SMYD3: variants seen among roughly 807,000 people sequenced by gnomAD.
The protein encoded by SMYD3 is SET and MYND domain containing 3.
Under a neutral mutation model 57.7 loss-of-function variants are expected in SMYD3, and 36 were observed. That is an observed-to-expected ratio of 0.62 (90% CI 0.48 to 0.82). SMYD3 has a LOEUF of 0.82. SMYD3 is among the 40% of genes least tolerant of loss of function. The probability of loss-of-function intolerance (pLI) is 0.00; values close to 1 mark genes in which losing one functional copy is unlikely to be tolerated. For missense variants in SMYD3, 515 were observed against 538.8 expected, an observed-to-expected ratio of 0.96 and a Z score of 0.44; for synonymous variants, 211 against 195.0, an observed-to-expected ratio of 1.08 and a Z score of -0.68.
intron 5 of SMYD3, among the ~76,000 whole-genome samples, chr1:245,957,636 A>T (rs899319745): frequency 2.6e-5 from 4 of 152,150 alleles, no homozygotes; most frequent in Non-Finnish European, 4.4e-5. Context: ...TCTATACTTG[A>T]GTAGGCACAA....
chr1:246,306,935 C>G (rs1033994726), intron 5 of SMYD3, among the ~76,000 whole-genome samples: 2 of 151,222 alleles, frequency 1.3e-5, no homozygotes, highest in Admixed American at 6.6e-5. Flanking sequence ...GACATCAAGT[C>G]AGATGGAAGT....
At chr1:246,100,755 G>A (rs2060994898) in intron 5 of SMYD3, among the ~76,000 whole-genome samples, 1 of 152,086 alleles carries the variant, frequency 6.6e-6, no homozygotes, top group Non-Finnish European at 1.5e-5. Flanking sequence ...ACTCTCCAGA[G>A]GACGATCCAC....
intron 10 of SMYD3, among the ~76,000 whole-genome samples, chr1:245,793,728 A>T (rs1482157104): frequency 6.6e-6 from 1 of 151,970 alleles, no homozygotes; most frequent in Non-Finnish European, 1.5e-5. Flanking sequence ...TATTTTCTGC[A>T]GGGACCAACC....
chr1:246,403,344 TTTAA>T (rs2066804646), intron 1 of SMYD3, among the ~76,000 whole-genome samples: 2 of 151,586 alleles, frequency 1.3e-5, no homozygotes, highest in African/African-American at 2.4e-5. Context: ...AAAAAAAAAA[TTTAA>T]TTAGCCAGAA....
chr1:246,492,486 G>A (rs1474657224), intron 1 of SMYD3, among the ~76,000 whole-genome samples: 4 of 152,258 alleles, frequency 2.6e-5, no homozygotes, highest in South Asian at 2.1e-4. Flanking sequence ...AAAGGTAAGC[G>A]AGAAACAAAA....
intron 6 of SMYD3, among the ~76,000 whole-genome samples, chr1:245,928,398 G>A (rs1440439384): frequency 6.6e-6 from 1 of 152,190 alleles, no homozygotes; most frequent in Non-Finnish European, 1.5e-5. Context: ...ACAGCTGGGT[G>A]TGGTGGCTCA....
intron 5 of SMYD3, among the ~76,000 whole-genome samples, chr1:246,318,035 A>G (rs1215812421): frequency 6.6e-6 from 1 of 152,142 alleles, no homozygotes; most frequent in Non-Finnish European, 1.5e-5. Context: ...TCATGATATT[A>G]GTGTTTCTTT....
At chr1:245,779,176 A>AG (rs55875943) in intron 10 of SMYD3, among the ~76,000 whole-genome samples, 51,248 of 143,346 alleles carry the variant, frequency 0.36, 12,260 homozygotes, top group East Asian at 0.78. Context: ...AAAAAAAAAA[A>AG]AAAAAGAAAA....
intron 10 of SMYD3, among the ~76,000 whole-genome samples, chr1:245,809,520 C>G (rs2048347428): frequency 6.6e-6 from 1 of 152,202 alleles, no homozygotes; most frequent in African/African-American, 2.4e-5. Context: ...TCCCTGAGAA[C>G]CCTGCTGTTG....
intron 1 of SMYD3, among the ~76,000 whole-genome samples, chr1:246,446,937 G>C (rs1480203938): frequency 6.6e-6 from 1 of 151,658 alleles, no homozygotes; most frequent in Non-Finnish European, 1.5e-5. Flanking sequence ...GCTGAGGCAG[G>C]AGAATCGCTT....
chr1:246,088,486 T>C (rs1350296068), intron 5 of SMYD3, among the ~76,000 whole-genome samples: 1 of 130,252 alleles, frequency 7.7e-6, no homozygotes. Flanking sequence ...GACAGGCGCC[T>C]GTAGTCCCAG....
Position 246,236,256 on chromosome 1 carries a change from G to C in SMYD3, c.531+90945C>G, listed in dbSNP as rs541498352. ...AATGAATGAATGAAATGAATGACAGGGTCTCACAATGTTGCCGAGGCTGGC... is the reference window on the plus strand; with the variant it reads ...AATGAATGAATGAAATGAATGACAGCGTCTCACAATGTTGCCGAGGCTGGC... On this transcript the variant is annotated intron_variant, in intron 5 of 11. Transcript: ENST00000490107. 2.1e-4 allele frequency among the ~76,000 whole-genome samples: 32 copies of C among 151,972 alleles called. No homozygotes were observed. In the South Asian group the frequency reaches 5.8e-3, roughly 28 times the overall value.
chr1:246,451,068 C>T (rs994219215), intron 1 of SMYD3, among the ~76,000 whole-genome samples: 3 of 152,184 alleles, frequency 2.0e-5, no homozygotes, highest in Admixed American at 6.5e-5. Context: ...AGGTGCCTGC[C>T]GGTCCTGGAA....
chr1:246,062,350 C>A (rs1335855331), intron 5 of SMYD3, among the ~76,000 whole-genome samples: 2 of 152,146 alleles, frequency 1.3e-5, no homozygotes, highest in African/African-American at 4.8e-5. Flanking sequence ...TCAGGAGTAC[C>A]ACTGAAAATG....
intron 10 of SMYD3, among the ~76,000 whole-genome samples, chr1:245,796,635 T>C (rs1481566708): frequency 6.6e-6 from 1 of 152,188 alleles, no homozygotes; most frequent in African/African-American, 2.4e-5. Flanking sequence ...CTCTCTACAG[T>C]ACCATAAATT....
intron 5 of SMYD3, chr1:245,953,082 G>C (rs1042157023): frequency 1.9e-6 from 1 of 520,586 alleles, no homozygotes; most frequent in Non-Finnish European, 2.6e-6. Flanking sequence ...ATGTGATCAT[G>C]AAATCCCCAA....
intron 1 of SMYD3, among the ~76,000 whole-genome samples, chr1:246,463,539 C>T (rs919002727): frequency 6.6e-6 from 1 of 151,722 alleles, no homozygotes; most frequent in African/African-American, 2.4e-5. Context: ...AGTGTGGGGC[C>T]AGGCACGGTG....
At chr1:246,366,131 C>G (rs2066098271) in intron 1 of SMYD3, among the ~76,000 whole-genome samples, 1 of 152,090 alleles carries the variant, frequency 6.6e-6, no homozygotes, top group Non-Finnish European at 1.5e-5. Context: ...AATATCAATC[C>G]TTCATTTCCT....
chr1:246,025,913 C>G (rs1468517449), intron 5 of SMYD3: 1 of 152,292 alleles, frequency 6.6e-6, no homozygotes, highest in East Asian at 1.9e-4. Context: ...AGGTGGATTA[C>G]CTGAGGCCAG....
Sources: allele counts gnomAD v4.1 joint callset (sites outside exome capture counted in the v4.1 genomes callset), GRCh38; gene constraint gnomAD v4.1.1; transcripts MANE v1.5; gene names NCBI Gene and HGNC (gene_info 2026-07-23, HGNC 2026-07-21).